Variants in MS4A15 observed in about 807,000 individuals in gnomAD.
MS4A15 encodes membrane-spanning 4-domains subfamily A member 15.
Under a neutral mutation model 20.6 loss-of-function variants are expected in MS4A15, and 22 were observed. The observed-to-expected ratio is 1.07, with a 90% confidence interval of 0.76 to 1.52. MS4A15 has a LOEUF of 1.52. Ranked by LOEUF, MS4A15 falls within the 40% of genes most tolerant of loss-of-function variation. The pLI is 0.00. For missense variants in MS4A15, 312 were observed against 323.0 expected, an observed-to-expected ratio of 0.97 and a Z score of 0.26; for synonymous variants, 129 against 129.3, an observed-to-expected ratio of 1.00 and a Z score of 0.02.
intron 1 of MS4A15, among the ~76,000 whole-genome samples, chr11:60,760,067 C>T (rs779563556): frequency 6.6e-5 from 10 of 152,196 alleles, no homozygotes; most frequent in Non-Finnish European, 1.0e-4. Flanking sequence ...CTCCACCTGA[C>T]GAGAAATACC....
At position 60,763,645 on chromosome 11, in the gene MS4A15, A is replaced by T; in HGVS notation, c.-28-61A>T. On this transcript the variant is annotated intron_variant, in intron 1 of 6. Coordinates refer to ENST00000405633, the MANE Select transcript of MS4A15 (RefSeq NM_001098835.2). ...AGCAAGGGAAGTAGGCACGTTGCTT[A>T]TCAACTAAAAAGCTTTATGCACATG... The T allele has an allele frequency of 3.6e-6, 5 of 1,403,762 alleles. No individual in the cohort carries two copies. In the Admixed American group the frequency reaches 5.2e-5, roughly 15 times the overall value. The allele number at this position is 1,403,762 out of a possible 1,614,324, so 87.0% of individuals were successfully genotyped here.
intron 1 of MS4A15, among the ~76,000 whole-genome samples, chr11:60,760,089 A>G (rs1853698959): frequency 6.6e-6 from 1 of 152,126 alleles, no homozygotes; most frequent in African/African-American, 2.4e-5. Flanking sequence ...ACAGGTGTGG[A>G]GGGGCAAGCC....
chr11:60,773,972 C>G (rs756028058), intron 6 of MS4A15, 22 bp downstream of exon 6: 1 of 1,578,784 alleles, frequency 6.3e-7, no homozygotes, highest in African/African-American at 1.4e-5. Flanking sequence ...CACCCCCACC[C>G]CCACGTCCAC....
chr11:60,772,064 A>T (rs2134726650), intron 4 of MS4A15, among the ~76,000 whole-genome samples: 1 of 152,328 alleles, frequency 6.6e-6, no homozygotes, highest in African/African-American at 2.4e-5. Flanking sequence ...CAGGCAGGAT[A>T]ATATGAGTCA....
At chr11:60,774,277 G>T (rs182340906) in intron 6 of MS4A15, among the ~76,000 whole-genome samples, 1 of 152,190 alleles carries the variant, frequency 6.6e-6, no homozygotes, top group African/African-American at 2.4e-5. Context: ...AATTAGCCAT[G>T]TGTGATGGTA....
intron 3 of MS4A15, among the ~76,000 whole-genome samples, chr11:60,769,940 G>A (rs898189760): frequency 6.6e-6 from 1 of 152,066 alleles, no homozygotes; most frequent in Non-Finnish European, 1.5e-5. Context: ...TCCACCCACC[G>A]CTGACCCTGC....
Position 60,763,132 on chromosome 11 carries a change from G to T in MS4A15, c.-28-574G>T, listed in dbSNP as rs569024088. Among the ~76,000 whole-genome samples, 9 of 152,058 alleles carry T rather than the reference G, an allele frequency of 5.9e-5. No individual in the cohort carries two copies. In the East Asian group the frequency reaches 1.7e-3, roughly 29 times the overall value. ...AACTCATTCTTGGCATTCACTGCAA[G>T]CTATAAACTCTGCATAAAGTTTCCA... is the stretch of plus-strand genomic sequence containing the variant. On this transcript the variant is annotated intron_variant, in intron 1 of 6. Transcript: ENST00000405633.
rs548651799 is a variant in MS4A15 at position 60,760,164 on chromosome 11, T to C, written c.-29+3106T>C. 8.0e-4 allele frequency among the ~76,000 whole-genome samples: 122 copies of C among 152,342 alleles called. No individual in the cohort carries two copies. The South Asian group carries it at 0.014, about 18-fold the overall frequency. On this transcript the variant is annotated intron_variant, in intron 1 of 6. Coordinates refer to ENST00000405633, the MANE Select transcript of MS4A15 (RefSeq NM_001098835.2). ...TCTCATTCTGGGCTACCTGGTCCCT[T>C]ATCAGAAGGGAACGCTCGAGCTAAT... is the stretch of plus-strand genomic sequence containing the variant.
At chr11:60,761,631 T>C (rs549308838) in intron 1 of MS4A15, among the ~76,000 whole-genome samples, 4 of 152,204 alleles carry the variant, frequency 2.6e-5, no homozygotes, top group Non-Finnish European at 4.4e-5. Context: ...TCAGGACCAA[T>C]ATTACAACTA....
At chr11:60,762,635 C>T (rs1853773852) in intron 1 of MS4A15, among the ~76,000 whole-genome samples, 1 of 152,134 alleles carries the variant, frequency 6.6e-6, no homozygotes, top group Non-Finnish European at 1.5e-5. Context: ...TAGGTATGTA[C>T]AAATGGCTCT....
intron 4 of MS4A15, 97 bp downstream of exon 4, chr11:60,771,444 C>G: frequency 6.4e-7 from 1 of 1,573,150 alleles, no homozygotes. Context: ...TCAGCTCATT[C>G]CCCAGCACTT....
chr11:60,775,734 G>T lies in MS4A15; in HGVS notation c.*19G>T. On this transcript the variant is annotated 3_prime_UTR_variant, in exon 7 of 7. Transcript: ENST00000405633. ...CGTCTGAGTAGCAGATGTGGCACCT[G>T]CGGGTGGAGTCCAGCCTTTTCCCTC... is the stretch of plus-strand genomic sequence containing the variant. The T allele has an allele frequency of 6.3e-7, 1 of 1,598,910 alleles. No individual in the cohort carries two copies.
intron 1 of MS4A15, among the ~76,000 whole-genome samples, chr11:60,758,243 C>T (rs1176077520): frequency 2.1e-5 from 3 of 144,916 alleles, no homozygotes; most frequent in African/African-American, 7.9e-5. Flanking sequence ...ATGCTCACAG[C>T]TAGCAATACA....
intron 1 of MS4A15, among the ~76,000 whole-genome samples, chr11:60,759,262 A>T (rs1226670284): frequency 1.3e-5 from 2 of 152,256 alleles, no homozygotes; most frequent in Non-Finnish European, 2.9e-5. Flanking sequence ...TCACAGAAAC[A>T]TGTGCTGTAC....
rs4939450 is a variant in MS4A15 at position 60,767,428 on chromosome 11, G to T, written c.226-105G>T. ...ACAGAATCTGAGTTTCTTTCCCAGT[G>T]GCCAACAAGCGGGAGGAGGGCGGGG... is the stretch of plus-strand genomic sequence containing the variant. On this transcript the variant is annotated intron_variant, in intron 2 of 6. Transcript: ENST00000405633. 1.4e-5 allele frequency: 19 copies of T among 1,313,592 alleles called. No individual in the cohort carries two copies. In the South Asian group the frequency reaches 3.0e-4, roughly 20 times the overall value. The allele number at this position is 1,313,592 out of a possible 1,614,324, so 81.4% of individuals were successfully genotyped here.
intron 6 of MS4A15, 87 bp from the exon 7 acceptor site, chr11:60,775,518 C>A: frequency 9.4e-7 from 1 of 1,065,482 alleles, no homozygotes; most frequent in Non-Finnish European, 1.4e-6. Context: ...GGGCGCTGTT[C>A]TCAGATTACC....
intron 5 of MS4A15, 92 bp downstream of exon 5, chr11:60,773,576 G>A: frequency 8.2e-7 from 1 of 1,218,328 alleles, no homozygotes; most frequent in Non-Finnish European, 1.2e-6. Flanking sequence ...TGCAGCGCCA[G>A]GACGTTGGCA....
Position 60,774,019 on chromosome 11 carries a change from TGG to T in MS4A15, c.612+71_612+72del, listed in dbSNP as rs2134731663. The T allele has an allele frequency of 4.0e-6, 5 of 1,241,202 alleles. No individual in the cohort carries two copies. The East Asian group carries it at 1.2e-4, about 30-fold the overall frequency. 76.9% of individuals were successfully genotyped at this position (1,241,202 alleles called of 1,614,324 possible). On this transcript the variant is annotated intron_variant, in intron 6 of 6. Coordinates refer to ENST00000405633, the MANE Select transcript of MS4A15 (RefSeq NM_001098835.2). Reference sequence around the variant, plus strand: ...TGAGCCTGTGTGGAAGGCAGTTGGCTGGGAGCGCGCTCTGCCTCCAGACCCCT... The same window carrying T: ...TGAGCCTGTGTGGAAGGCAGTTGGCTGAGCGCGCTCTGCCTCCAGACCCCT...
At chr11:60,768,461 T>G (rs946054930) in intron 3 of MS4A15, among the ~76,000 whole-genome samples, 1 of 152,120 alleles carries the variant, frequency 6.6e-6, no homozygotes, top group Non-Finnish European at 1.5e-5. Flanking sequence ...CTGCCAACAT[T>G]AAAGGGCACT....
Sources: allele counts gnomAD v4.1 joint callset (sites outside exome capture counted in the v4.1 genomes callset), GRCh38; gene constraint gnomAD v4.1.1; transcripts MANE v1.5; gene names NCBI Gene and HGNC (gene_info 2026-07-23, HGNC 2026-07-21).